Variants in VWDE observed in about 807,000 individuals in gnomAD.
The protein encoded by VWDE is von Willebrand factor D and EGF domains.
Under a neutral mutation model 178.4 loss-of-function variants are expected in VWDE, and 207 were observed. The ratio of observed to expected loss-of-function variants is 1.16; its 90% CI spans 1.04 to 1.30. The LOEUF is 1.30. Ranked by LOEUF, VWDE falls within the 50% of genes most tolerant of loss-of-function variation. VWDE has a pLI of 0.00. For missense variants in VWDE, 2,287 were observed against 1,901.3 expected, an observed-to-expected ratio of 1.20 and a Z score of -3.77; for synonymous variants, 738 against 651.4, an observed-to-expected ratio of 1.13 and a Z score of -2.02.
In VWDE at chr7:12,377,836, C is replaced by T. The variant is rs1475091155; in HGVS notation, c.964G>A (p.Glu322Lys). ...IESTVPIICSEFSELDQECKI... is the reference protein window; with the variant it reads ...IESTVPIICSKFSELDQECKI... Reference sequence around the variant, plus strand: ...CATTCTTGATCAAGCTCACTAAATTCAGAACAAATAATAGGAACTGTGCTT... The same window carrying T: ...CATTCTTGATCAAGCTCACTAAATTTAGAACAAATAATAGGAACTGTGCTT... The change falls in exon 7 of 29, where the codon GAA becomes AAA. Residue 322 changes from glutamate (E) to lysine (K), a missense_variant. Glu to Lys is a moderately conservative substitution (Grantham distance 56). Transcript: ENST00000275358. 1 of 1,530,304 alleles carries T rather than the reference C, an allele frequency of 6.5e-7. No homozygotes were observed. Among genetic ancestry groups the T allele is most frequent in the Non-Finnish European group, 8.8e-7 (1 of 1,136,310 alleles). 94.8% of individuals were successfully genotyped at this position (1,530,304 alleles called of 1,614,324 possible).
At chr7:12,341,615 G>C (rs932471908) in intron 23 of VWDE, among the ~76,000 whole-genome samples, 10 of 144,762 alleles carry the variant, frequency 6.9e-5, no homozygotes, top group African/African-American at 2.7e-4. Context: ...CTGGGCGACA[G>C]AGTGAGACTC....
chr7:12,342,165 A>C lies in VWDE; in HGVS notation c.4175-11T>G, dbSNP rs529944078. On this transcript the variant is annotated splice_polypyrimidine_tract_variant and intron_variant, in intron 22 of 28. Coordinates refer to ENST00000275358, the MANE Select transcript of VWDE (RefSeq NM_001135924.3). ...GCCTGTTACAAACCACTGAGATCAT[A>C]GAATAAAGAGAAAAGAAAGATTAGG... The C allele has an allele frequency of 4.6e-5, 71 of 1,548,678 alleles. No individual in the cohort carries two copies. Among genetic ancestry groups the C allele is most frequent in the Non-Finnish European group, 3.5e-5 (40 of 1,144,652 alleles).
In VWDE at chr7:12,358,389, G is replaced by T. The variant is rs1302378975; in HGVS notation, c.3275-874C>A. On this transcript the variant is annotated intron_variant, in intron 16 of 28. Transcript: ENST00000275358. The stretch of plus-strand genomic sequence containing the variant: ...ATTCTGTCTCAAAAAATAAAAGGTG[G>T]GGGGGGCTATTTTAGAGGACAGGCA... Among the ~76,000 whole-genome samples the T allele has an allele frequency of 3.3e-5, 5 of 150,226 alleles. No individual in the cohort carries two copies. The East Asian group carries it at 7.8e-4, about 23-fold the overall frequency.
chr7:12,402,757 T>C (rs544519512), intron 1 of VWDE, among the ~76,000 whole-genome samples: 2 of 152,312 alleles, frequency 1.3e-5, no homozygotes, highest in African/African-American at 2.4e-5. Context: ...TTAAGTTTTG[T>C]ATAGGATAGT....
At chr7:12,391,942 T>G (rs1784409217) in intron 2 of VWDE, among the ~76,000 whole-genome samples, 1 of 152,114 alleles carries the variant, frequency 6.6e-6, no homozygotes, top group Non-Finnish European at 1.5e-5. Flanking sequence ...ACCCAAAAAG[T>G]GTATAATTAT....
chr7:12,364,837 A>G (rs936986601), intron 13 of VWDE, among the ~76,000 whole-genome samples: 3 of 152,100 alleles, frequency 2.0e-5, no homozygotes, highest in Non-Finnish European at 4.4e-5. Context: ...TTATTAGTTA[A>G]AAAGGGAAAA....
In VWDE at chr7:12,361,209, CCGT is replaced by C; in HGVS notation, c.3094_3096del (p.Thr1032del). On this transcript the variant is annotated inframe_deletion, in exon 15 of 29. Transcript: ENST00000275358. Reference sequence around the variant, plus strand: ...ACTTGGCAAGCACCATCATATATGACCGTTATTTTGGGATTACTGAATTTATAA... The same window carrying C: ...ACTTGGCAAGCACCATCATATATGACTATTTTGGGATTACTGAATTTATAA... 1 of 1,548,198 alleles carries C rather than the reference CCGT, an allele frequency of 6.5e-7. No individual in the cohort carries two copies. The highest frequency in any genetic ancestry group is 1.4e-5 in the African/African-American group (1 of 72,994).
rs1583332134 is a variant in VWDE, at chr7:12,379,969, G to A, written c.790-403C>T. The stretch of plus-strand genomic sequence containing the variant: ...TAGCTGCGTGTGGGTGTGGTGGCGG[G>A]CGCCTGTAGTCCCAGCTACTCAGGA... On this transcript the variant is annotated intron_variant, in intron 5 of 28. Coordinates refer to ENST00000275358, the MANE Select transcript of VWDE (RefSeq NM_001135924.3). Among the ~76,000 whole-genome samples the A allele has an allele frequency of 2.6e-5, 4 of 151,828 alleles. 1 individual carries two copies. The South Asian group carries it at 8.3e-4, about 32-fold the overall frequency.
intron 19 of VWDE, among the ~76,000 whole-genome samples, chr7:12,345,690 G>A (rs1781563245): frequency 2.0e-5 from 3 of 152,094 alleles, no homozygotes; most frequent in Admixed American, 2.0e-4. Flanking sequence ...GGTGTTGTTT[G>A]GGTTCCTGCT....
chr7:12,381,497 A>G (rs1364962041), intron 4 of VWDE, among the ~76,000 whole-genome samples: 1 of 152,102 alleles, frequency 6.6e-6, no homozygotes, highest in African/African-American at 2.4e-5. Flanking sequence ...GGAAAATCAC[A>G]AAATAATCTT....
At position 12,402,785 on chromosome 7, in the gene VWDE, A is replaced by G. The variant is rs1016548928; in HGVS notation, c.58+874T>C. Among the ~76,000 whole-genome samples, 9 of 152,172 alleles carry G rather than the reference A, an allele frequency of 5.9e-5. No individual in the cohort carries two copies. In the South Asian group the frequency reaches 6.2e-4, roughly 10 times the overall value. On this transcript the variant is annotated intron_variant, in intron 1 of 28. Coordinates refer to ENST00000275358, the MANE Select transcript of VWDE (RefSeq NM_001135924.3). ...AGGATAGTGTTTGTATTCCCCTTAT[A>G]CAAAGCAAACTTACATCAGTAAAAT...
chr7:12,370,582 A>C, intron 11 of VWDE, 73 bp from the exon 12 acceptor site: 1 of 1,529,808 alleles, frequency 6.5e-7, no homozygotes, highest in Non-Finnish European at 8.8e-7. Flanking sequence ...TGTTGCAAAA[A>C]AGCAGAGTGT....
intron 19 of VWDE, among the ~76,000 whole-genome samples, chr7:12,349,848 T>G (rs1367788488): frequency 6.6e-6 from 1 of 152,044 alleles, no homozygotes; most frequent in African/African-American, 2.4e-5. Flanking sequence ...TAGCTATACA[T>G]AAGAAGACAA....
intron 1 of VWDE, 62 bp from the exon 2 acceptor site, chr7:12,393,840 T>A: frequency 7.4e-7 from 1 of 1,359,406 alleles, no homozygotes; most frequent in Non-Finnish European, 9.7e-7. Flanking sequence ...AGTTCGGTCC[T>A]CAATTAAAAT....
In VWDE at chr7:12,351,584, C is replaced by G. The variant is rs1781944053; in HGVS notation, c.3875G>C (p.Gly1292Ala). 3.2e-6 allele frequency: 5 copies of G among 1,547,996 alleles called. No individual in the cohort carries two copies. The South Asian group carries it at 4.8e-5, about 15-fold the overall frequency. Reference sequence around the variant, plus strand: ...TGACCATTACTTACTGAAGGCATTTCCACTTGTTGGCTTAACATGCCTCTT... The same window carrying G: ...TGACCATTACTTACTGAAGGCATTTGCACTTGTTGGCTTAACATGCCTCTT... ...GRKRHVKPTS[G>A]NAFTICKYPC... is the part of the protein sequence containing the mutation. The change falls in exon 19 of 29, where the codon GGA (glycine) becomes GCA (alanine). Residue 1292 changes from glycine (G) to alanine (A), a missense_variant. Physicochemically the swap from Gly to Ala is moderately conservative, Grantham distance 60 (BLOSUM62 0). Transcript: ENST00000275358.
intron 3 of VWDE, among the ~76,000 whole-genome samples, chr7:12,387,181 G>C (rs887604812): frequency 1.3e-5 from 2 of 151,960 alleles, no homozygotes; most frequent in Non-Finnish European, 2.9e-5. Context: ...CATTGTCTTA[G>C]TTTCTATAAT....
intron 1 of VWDE, among the ~76,000 whole-genome samples, chr7:12,402,740 T>G (rs988879721): frequency 6.6e-6 from 1 of 152,192 alleles, no homozygotes. Context: ...ATTTTAGTAT[T>G]TTATTTTTAA....
chr7:12,357,899 C>A (rs935867228), intron 16 of VWDE, among the ~76,000 whole-genome samples: 2 of 152,132 alleles, frequency 1.3e-5, no homozygotes, highest in African/African-American at 4.8e-5. Context: ...TTAAGCCTCA[C>A]TTTCTCCCTC....
At chr7:12,386,860 C>A in intron 3 of VWDE, among the ~76,000 whole-genome samples, 1 of 152,038 alleles carries the variant, frequency 6.6e-6, no homozygotes, top group Admixed American at 6.6e-5. Context: ...TTTTGGTCAC[C>A]CCTCTGTACT....
Sources: gnomAD v4.1 joint callset for allele counts (sites outside exome capture counted in the v4.1 genomes callset) on GRCh38, gnomAD v4.1.1 for gene constraint, MANE v1.5 for transcripts, NCBI Gene and HGNC (gene_info 2026-07-23, HGNC 2026-07-21) for gene names.